The following EFHC1 variants were observed in gnomAD, a reference collection of about 807,000 sequenced individuals.
The protein encoded by EFHC1 is EF-hand domain containing 1, also known as EF-hand domain-containing protein 1.
In EFHC1, 53 loss-of-function variants were observed where a neutral mutation model predicts 69.9. That is an observed-to-expected ratio of 0.76 (90% CI 0.61 to 0.95). EFHC1 has a LOEUF of 0.95. EFHC1 is among the 40% of genes least tolerant of loss of function. The pLI is 0.00. For synonymous variants in EFHC1, 256 were observed against 278.4 expected, an observed-to-expected ratio of 0.92 and a Z score of 0.80; for missense variants, 739 against 798.7, an observed-to-expected ratio of 0.93 and a Z score of 0.90.
intron 3 of EFHC1, 60 bp downstream of exon 3, chr6:52,438,651 A>G (rs1307566686): frequency 6.4e-7 from 1 of 1,559,192 alleles, no homozygotes; most frequent in Non-Finnish European, 8.8e-7. Flanking sequence ...TTATAGAAGG[A>G]TACATTTCAT....
intron 7 of EFHC1, among the ~76,000 whole-genome samples, chr6:52,474,454 C>G (rs761878514): frequency 6.6e-6 from 1 of 152,190 alleles, no homozygotes; most frequent in African/African-American, 2.4e-5. Flanking sequence ...AACTCTCATA[C>G]TCTTTACTAA....
intron 7 of EFHC1, among the ~76,000 whole-genome samples, chr6:52,473,489 A>G (rs1765481097): frequency 6.6e-6 from 1 of 152,116 alleles, no homozygotes; most frequent in Non-Finnish European, 1.5e-5. Flanking sequence ...TGTTTTAAAA[A>G]TGGATAAATG....
At chr6:52,468,937 T>G (rs892160388) in intron 6 of EFHC1, 1 of 292,172 alleles carries the variant, frequency 3.4e-6, no homozygotes, top group Non-Finnish European at 6.6e-6. Context: ...AGGGACTATA[T>G]GGACTTACTT....
intron 2 of EFHC1, among the ~76,000 whole-genome samples, 171 bp downstream of exon 2, chr6:52,424,338 T>G (rs1269060073): frequency 6.6e-6 from 1 of 152,210 alleles, no homozygotes; most frequent in Non-Finnish European, 1.5e-5. Flanking sequence ...AAAGAGGCTT[T>G]CTTTAGTCAG....
At chr6:52,434,634 G>T (rs1477998753) in intron 2 of EFHC1, among the ~76,000 whole-genome samples, 2 of 152,064 alleles carry the variant, frequency 1.3e-5, no homozygotes, top group Non-Finnish European at 2.9e-5. Flanking sequence ...GAGCAAAAAA[G>T]CTCACAGTGC....
At position 52,494,143 on chromosome 6, in the gene EFHC1, G is replaced by GT. The variant is rs1554262525; in HGVS notation, c.*1803dup. On this transcript the variant is annotated 3_prime_UTR_variant, in exon 11 of 11. Transcript: ENST00000371068. ...TGGGGCTATGTCTCAATAAACTCACGTAAGTAAAAAATATCACAAGTTGAA... is the reference window on the plus strand; with the variant it reads ...TGGGGCTATGTCTCAATAAACTCACGTTAAGTAAAAAATATCACAAGTTGAA... 25 of 453,952 alleles carry GT rather than the reference G, an allele frequency of 5.5e-5. No individual in the cohort carries two copies. The highest frequency in any genetic ancestry group is 8.8e-6 in the Non-Finnish European group (2 of 226,772). The allele number at this position is 453,952 out of a possible 1,614,324, so 28.1% of individuals were successfully genotyped here. A position where few individuals can be genotyped will look rare whatever the true frequency, so the allele number is the denominator to read the frequency against.
chr6:52,489,734 A>T (rs1351731759), intron 9 of EFHC1, among the ~76,000 whole-genome samples: 1 of 152,236 alleles, frequency 6.6e-6, no homozygotes, highest in Admixed American at 6.5e-5. Flanking sequence ...ATAGCTATAT[A>T]TTTATATCTA....
intron 3 of EFHC1, among the ~76,000 whole-genome samples, chr6:52,447,789 C>T (rs1035817888): frequency 5.3e-5 from 8 of 152,366 alleles, no homozygotes; most frequent in African/African-American, 7.2e-5. Context: ...TTCCTTCTAA[C>T]AGTCAGGACC....
At chr6:52,460,130 G>T (rs1342961465) in intron 5 of EFHC1, among the ~76,000 whole-genome samples, 2 of 152,120 alleles carry the variant, frequency 1.3e-5, no homozygotes, top group African/African-American at 4.8e-5. Flanking sequence ...AAGTTGGAAA[G>T]AATGCAAATG....
rs551868669 is a variant in EFHC1 at position 52,497,154 on chromosome 6, TAA to T, written c.*4815_*4816del. 2 of 152,220 alleles carry T rather than the reference TAA, an allele frequency of 1.3e-5. No homozygotes were observed. The highest frequency in any genetic ancestry group is 2.9e-5 in the Non-Finnish European group (2 of 68,042). 9.4% of individuals were successfully genotyped at this position (152,220 alleles called of 1,614,324 possible). ...GAAAACCTCTTTTCCACTTTACTAT[TAA>T]AGAGTCAAATAAAAATGATGCTTAT... is the stretch of plus-strand genomic sequence containing the variant. On this transcript the variant is annotated 3_prime_UTR_variant, in exon 11 of 11. Transcript: ENST00000371068.
At chr6:52,437,888 G>A (rs1764567920) in intron 2 of EFHC1, among the ~76,000 whole-genome samples, 1 of 152,066 alleles carries the variant, frequency 6.6e-6, no homozygotes, top group Admixed American at 6.5e-5. Context: ...GGATGAGGGG[G>A]ACACAATTTA....
intron 3 of EFHC1, among the ~76,000 whole-genome samples, chr6:52,451,128 C>A (rs1275807178): frequency 6.6e-6 from 1 of 152,088 alleles, no homozygotes; most frequent in Non-Finnish European, 1.5e-5. Flanking sequence ...GGCCTTTAGC[C>A]CATTTATAAT....
intron 6 of EFHC1, among the ~76,000 whole-genome samples, chr6:52,467,563 T>C (rs1380290578): frequency 1.3e-5 from 2 of 152,128 alleles, no homozygotes; most frequent in Non-Finnish European, 2.9e-5. Context: ...CTTTTTTTTC[T>C]CCTAACCTAT....
chr6:52,478,936 G>A lies in EFHC1; in HGVS notation c.1279-101G>A, dbSNP rs1303348267. ...TGTTTATATTGTAAAAACCCAGACT[G>A]CTTCATTTATATCCTATACCTGGCC... is the stretch of plus-strand genomic sequence containing the variant. On this transcript the variant is annotated intron_variant, in intron 7 of 10. Coordinates refer to ENST00000371068, the MANE Select transcript of EFHC1 (RefSeq NM_018100.4). 1.9e-5 allele frequency: 21 copies of A among 1,111,024 alleles called. No individual in the cohort carries two copies. The South Asian group carries it at 2.0e-4, about 11-fold the overall frequency. 68.8% of individuals were successfully genotyped at this position (1,111,024 alleles called of 1,614,324 possible).
chr6:52,486,947 T>C (rs1765799193), intron 9 of EFHC1: 2 of 152,218 alleles, frequency 1.3e-5, no homozygotes, highest in South Asian at 4.1e-4. Context: ...CCAAACTTTA[T>C]ATTAAATGCT....
At chr6:52,426,352 G>A (rs530760900) in intron 2 of EFHC1, among the ~76,000 whole-genome samples, 6 of 152,212 alleles carry the variant, frequency 3.9e-5, no homozygotes, top group African/African-American at 1.2e-4. Context: ...TCTTGAAACT[G>A]TGCTCTTCTT....
Position 52,492,759 on chromosome 6 carries a change from C to T in EFHC1, c.*418C>T. 2.3e-6 allele frequency: 1 copy of T among 443,918 alleles called. No individual in the cohort carries two copies. Among genetic ancestry groups the T allele is most frequent in the Non-Finnish European group, 4.5e-6 (1 of 222,068 alleles). The allele number at this position is 443,918 out of a possible 1,614,324, so 27.5% of individuals were successfully genotyped here. On this transcript the variant is annotated 3_prime_UTR_variant, in exon 11 of 11. Transcript: ENST00000371068. ...CCTCCCCAGTAGCTGGGACAACAGG[C>T]TCAAGCCACCATGCCCAGCTAATTT...
chr6:52,452,908 T>G (rs745481388), intron 4 of EFHC1, 71 bp downstream of exon 4: 1 of 1,609,522 alleles, frequency 6.2e-7, no homozygotes, highest in Non-Finnish European at 8.5e-7. Context: ...GCAAAAGGTT[T>G]GGGTAGCTGT....
intron 1 of EFHC1, chr6:52,423,692 G>GTTTTTT: frequency 7.3e-6 from 1 of 137,164 alleles, no homozygotes; most frequent in South Asian, 1.0e-4. Context: ...TTTAGTTTTT[G>GTTTTTT]TAGAGACAGC....
Sources: allele counts gnomAD v4.1 joint callset (sites outside exome capture counted in the v4.1 genomes callset), GRCh38; gene constraint gnomAD v4.1.1; transcripts MANE v1.5; gene names NCBI Gene and HGNC (gene_info 2026-07-23, HGNC 2026-07-21).